Variants in SLC16A7 observed in about 807,000 individuals in gnomAD.
The protein encoded by SLC16A7 is solute carrier family 16 member 7, also known as monocarboxylate transporter 2.
Under a neutral mutation model 34.9 loss-of-function variants are expected in SLC16A7, and 33 were observed. That is an observed-to-expected ratio of 0.94 (90% CI 0.72 to 1.26). The LOEUF (loss-of-function observed/expected upper bound fraction) is 1.26, where lower values mean the gene tolerates loss of function less well. Among genes scored for constraint, SLC16A7 ranks in the 50% most tolerant of loss-of-function variants. The pLI is 0.00. For synonymous variants in SLC16A7, 201 were observed against 206.6 expected (o/e 0.97, Z 0.23); for missense variants, 573 against 578.1 (o/e 0.99, Z 0.09).
chr12:59,740,873 C>A (rs1878242300), intron 3 of SLC16A7, among the ~76,000 whole-genome samples: 1 of 152,074 alleles, frequency 6.6e-6, no homozygotes, highest in Non-Finnish European at 1.5e-5. Flanking sequence ...TCTCAGGATA[C>A]AAAATCAATG....
At chr12:59,681,763 C>T (rs1338960569) in intron 2 of SLC16A7, among the ~76,000 whole-genome samples, 1 of 152,110 alleles carries the variant, frequency 6.6e-6, no homozygotes, top group Non-Finnish European at 1.5e-5. Context: ...AGGGATCTCT[C>T]TGTCACTGGT....
chr12:59,672,748 A>T (rs1236172547), intron 2 of SLC16A7, among the ~76,000 whole-genome samples: 1 of 152,288 alleles, frequency 6.6e-6, no homozygotes, highest in South Asian at 2.1e-4. Context: ...CTAAGGGTGG[A>T]TAGCAAATAA....
At chr12:59,689,495 G>A (rs1346757736) in intron 2 of SLC16A7, 1 of 151,972 alleles carries the variant, frequency 6.6e-6, no homozygotes, top group Non-Finnish European at 1.5e-5. Flanking sequence ...CTGTGGTACT[G>A]TTCTTAATCC....
intron 3 of SLC16A7, among the ~76,000 whole-genome samples, chr12:59,731,145 C>A (rs1047013555): frequency 6.6e-6 from 1 of 151,986 alleles, no homozygotes; most frequent in Non-Finnish European, 1.5e-5. Context: ...AATATTCAAG[C>A]TTAAATATGT....
intron 4 of SLC16A7, among the ~76,000 whole-genome samples, chr12:59,772,827 T>C (rs1882364493): frequency 6.6e-6 from 1 of 152,114 alleles, no homozygotes; most frequent in Non-Finnish European, 1.5e-5. Context: ...ATAATACCAT[T>C]TATATAATAT....
chr12:59,604,474 T>TTG (rs112620684), intron 1 of SLC16A7, among the ~76,000 whole-genome samples: 56 of 151,944 alleles, frequency 3.7e-4, no homozygotes, highest in African/African-American at 1.0e-3. Context: ...CAAACATGTC[T>TTG]TGTGTGTGTG....
At chr12:59,712,991 GTTTTC>G (rs551341211) in intron 3 of SLC16A7, among the ~76,000 whole-genome samples, 25 of 151,746 alleles carry the variant, frequency 1.6e-4, no homozygotes, top group Middle Eastern at 3.2e-3. Context: ...TTCTATGGAT[GTTTTC>G]TTTTCTTTTC....
Position 59,704,887 on chromosome 12 carries a change from C to A in SLC16A7, c.86C>A (p.Ser29Tyr). The change falls in exon 3 of 6, where the codon TCC becomes TAC. Residue 29 changes from serine (S) to tyrosine (Y), a missense_variant. By Grantham distance (144) the Ser-to-Tyr change is moderately radical. Coordinates refer to ENST00000547379, the MANE Select transcript of SLC16A7 (RefSeq NM_001270623.2). ...ATTGTGGTTGGAGCAGCTTTTATCTCCATTGGATTTTCCTATGCATTCCCC... is the reference window on the plus strand; with the variant it reads ...ATTGTGGTTGGAGCAGCTTTTATCTACATTGGATTTTCCTATGCATTCCCC... ...GWIVVGAAFISIGFSYAFPKA... is the reference protein window; with the variant it reads ...GWIVVGAAFIYIGFSYAFPKA... The A allele has an allele frequency of 3.1e-6, 5 of 1,613,800 alleles. No individual in the cohort carries two copies. Among genetic ancestry groups the A allele is most frequent in the Non-Finnish European group, 4.2e-6 (5 of 1,179,800 alleles).
At chr12:59,625,255 A>G (rs543302986) in intron 1 of SLC16A7, among the ~76,000 whole-genome samples, 1 of 151,772 alleles carries the variant, frequency 6.6e-6, no homozygotes, top group Non-Finnish European at 1.5e-5. Context: ...ATGGACTACC[A>G]ATTTTCCATT....
intron 2 of SLC16A7, among the ~76,000 whole-genome samples, chr12:59,677,967 C>T (rs909164524): frequency 3.3e-5 from 5 of 152,186 alleles, no homozygotes; most frequent in East Asian, 3.9e-4. Context: ...TCGTTCCACC[C>T]GCTTGCCCTG....
Position 59,774,883 on chromosome 12 carries a change from A to AC in SLC16A7, c.592dup (p.Leu198ProfsTer9). 2 of 1,613,812 alleles carry AC rather than the reference A, an allele frequency of 1.2e-6. No homozygotes were observed. The highest frequency in any genetic ancestry group is 1.7e-6 in the Non-Finnish European group (2 of 1,179,892). On this transcript the variant is annotated frameshift_variant, in exon 5 of 6. Coordinates refer to ENST00000547379, the MANE Select transcript of SLC16A7 (RefSeq NM_001270623.2). LOFTEE classifies it high-confidence loss of function. ...CCTGTGTGGCTGGTTCCCTCATGAG[A>AC]CCCCTTGGACCCAATCAAACCACTT...
At chr12:59,707,379 A>G (rs1206592223) in intron 3 of SLC16A7, among the ~76,000 whole-genome samples, 1 of 152,076 alleles carries the variant, frequency 6.6e-6, no homozygotes, top group East Asian at 1.9e-4. Flanking sequence ...CTCTGGCTGG[A>G]TCTAAAAGGA....
At chr12:59,648,727 C>T (rs997768067) in intron 1 of SLC16A7, among the ~76,000 whole-genome samples, 5 of 152,004 alleles carry the variant, frequency 3.3e-5, no homozygotes, top group East Asian at 1.9e-4. Context: ...TTTTAGATTG[C>T]GTGAAATACA....
intron 2 of SLC16A7, among the ~76,000 whole-genome samples, chr12:59,678,950 C>G (rs1218930147): frequency 6.6e-6 from 1 of 152,154 alleles, no homozygotes; most frequent in African/African-American, 2.4e-5. Context: ...CAGTGCTGCC[C>G]TGAGCGAACA....
rs150001893 is a variant in SLC16A7 at position 59,718,779 on chromosome 12, T to C, written c.217+13761T>C. ...AAAATGGATAAGAAGGAAATAAGTA[T>C]CACATGATAATGCCTGCTTTGCCTT... On this transcript the variant is annotated intron_variant, in intron 3 of 5. Coordinates refer to ENST00000547379, the MANE Select transcript of SLC16A7 (RefSeq NM_001270623.2). Among the ~76,000 whole-genome samples the C allele has an allele frequency of 3.6e-3, 552 of 152,260 alleles. 4 individuals carry two copies. The highest frequency in any genetic ancestry group is 0.012 in the African/African-American group (518 of 41,576).
chr12:59,609,775 G>A (rs187734553), intron 1 of SLC16A7, among the ~76,000 whole-genome samples: 137 of 152,196 alleles, frequency 9.0e-4, no homozygotes, highest in Non-Finnish European at 1.3e-3. Context: ...TCAGATAACC[G>A]CTTGTGGTCT....
intron 1 of SLC16A7, among the ~76,000 whole-genome samples, chr12:59,601,207 T>C (rs1472862753): frequency 2.0e-5 from 3 of 152,206 alleles, no homozygotes. Flanking sequence ...ACAATATGTA[T>C]CATTATTAAT....
At chr12:59,750,881 T>TA (rs971545878) in intron 3 of SLC16A7, among the ~76,000 whole-genome samples, 4 of 151,844 alleles carry the variant, frequency 2.6e-5, no homozygotes, top group African/African-American at 7.3e-5. Flanking sequence ...TATGTAGCCA[T>TA]AAAAAAAGGA....
intron 1 of SLC16A7, among the ~76,000 whole-genome samples, chr12:59,635,335 T>G (rs1880369884): frequency 6.6e-6 from 1 of 152,088 alleles, no homozygotes; most frequent in Non-Finnish European, 1.5e-5. Flanking sequence ...GATTGCCTGG[T>G]TGACTTATTT....
Sources: allele counts gnomAD v4.1 joint callset (sites outside exome capture counted in the v4.1 genomes callset), GRCh38; gene constraint gnomAD v4.1.1; transcripts MANE v1.5; gene names NCBI Gene and HGNC (gene_info 2026-07-23, HGNC 2026-07-21).